Variants in DIAPH2 observed in about 807,000 individuals in gnomAD.
DIAPH2 encodes protein diaphanous homolog 2.
DIAPH2 carries 35 observed loss-of-function variants against 92.7 expected under a neutral mutation model. The observed-to-expected ratio is 0.38, with a 90% confidence interval of 0.29 to 0.50. The LOEUF (loss-of-function observed/expected upper bound fraction) is 0.50, where lower values mean the gene tolerates loss of function less well. Ranked by LOEUF, DIAPH2 falls within the 20% of genes least tolerant of loss-of-function variation. The probability of loss-of-function intolerance (pLI) is 0.94; values close to 1 mark genes in which losing one functional copy is unlikely to be tolerated. For missense variants in DIAPH2, 701 were observed against 819.5 expected (o/e 0.86, Z 1.77); for synonymous variants, 301 against 280.4 (o/e 1.07, Z -0.73).
At chrX:97,302,190 C>T (rs1408409805) in intron 23 of DIAPH2, among the ~76,000 whole-genome samples, 10 of 69,639 alleles carry the variant, frequency 1.4e-4, no homozygotes, top group African/African-American at 3.1e-4. Context: ...TCCAGCCTGA[C>T]GATAGAGCAA....
intron 19 of DIAPH2, among the ~76,000 whole-genome samples, chrX:97,077,345 G>A (rs1461044521): frequency 8.9e-6 from 1 of 112,131 alleles, no homozygotes; most frequent in Admixed American, 9.4e-5. Context: ...ACATCAATTT[G>A]CCATTCATTT....
chrX:97,161,392 T>C (rs1038272514), intron 22 of DIAPH2, among the ~76,000 whole-genome samples: 16 of 110,929 alleles, frequency 1.4e-4, no homozygotes, highest in African/African-American at 5.2e-4. Flanking sequence ...ACTTCAAAAG[T>C]TTTTTGTGGG....
chrX:97,186,076 A>T (rs1056027592), intron 22 of DIAPH2, among the ~76,000 whole-genome samples: 1 of 111,259 alleles, frequency 9.0e-6, no homozygotes, highest in Non-Finnish European at 1.9e-5. Flanking sequence ...TAAATGATTT[A>T]AAAAAAACTA....
chrX:96,872,745 C>T (rs1002265977), intron 4 of DIAPH2, among the ~76,000 whole-genome samples: 7 of 110,437 alleles, frequency 6.3e-5, no homozygotes, highest in Non-Finnish European at 1.1e-4. Context: ...CCACCTGCCT[C>T]GGCCTCCCAA....
chrX:97,115,791 G>A (rs766738013), intron 21 of DIAPH2, among the ~76,000 whole-genome samples: 46 of 111,381 alleles, frequency 4.1e-4, no homozygotes, highest in African/African-American at 1.5e-3. Context: ...GTTTTGATTG[G>A]ATCATTTAAT....
chrX:97,286,817 A>G (rs1468023774), intron 23 of DIAPH2, among the ~76,000 whole-genome samples: 1 of 110,771 alleles, frequency 9.0e-6, no homozygotes, highest in Non-Finnish European at 1.9e-5. Flanking sequence ...TGACCCAGAT[A>G]CCCCTCTTCT....
At chrX:96,936,022 T>C (rs1294493671) in intron 10 of DIAPH2, among the ~76,000 whole-genome samples, 3 of 111,761 alleles carry the variant, frequency 2.7e-5, no homozygotes, top group Non-Finnish European at 3.8e-5. Context: ...TGTTAGATGA[T>C]TTTGCATTCT....
intron 20 of DIAPH2, among the ~76,000 whole-genome samples, chrX:97,112,765 CTTTTTTTTTTTTTTTTT>C (rs60721723): frequency 1.3e-4 from 5 of 37,242 alleles, no homozygotes; most frequent in Non-Finnish European, 1.7e-4. Flanking sequence ...CCCTTTCTTT[CTTTTTTTTTTTTTTTTT>C]TTTTTTTTTT....
chrX:96,815,779 C>T (rs1342983395), intron 4 of DIAPH2, among the ~76,000 whole-genome samples: 3 of 111,533 alleles, frequency 2.7e-5, no homozygotes, highest in Non-Finnish European at 5.7e-5. Context: ...ATTCTCCTGC[C>T]TCAGCCTCCC....
intron 17 of DIAPH2, among the ~76,000 whole-genome samples, chrX:97,018,469 C>T (rs1245033360): frequency 8.9e-6 from 1 of 112,136 alleles, no homozygotes; most frequent in Non-Finnish European, 1.9e-5. Flanking sequence ...AGTAGACCAA[C>T]ATATACCACA....
intron 22 of DIAPH2, among the ~76,000 whole-genome samples, chrX:97,172,425 A>C (rs940513515): frequency 8.9e-6 from 1 of 111,813 alleles, no homozygotes; most frequent in Admixed American, 9.5e-5. Flanking sequence ...CAGAATTGAC[A>C]ATCAGGAGTA....
At chrX:97,145,296 G>GTAGTAGTAC (rs1171180254) in intron 22 of DIAPH2, among the ~76,000 whole-genome samples, 3 of 104,346 alleles carry the variant, frequency 2.9e-5, no homozygotes, top group Non-Finnish European at 5.8e-5. Context: ...AGTAGTAGTA[G>GTAGTAGTAC]TAGTAGTAGT....
At chrX:97,302,137 C>CGGGA (rs1278312746) in intron 23 of DIAPH2, among the ~76,000 whole-genome samples, 2 of 94,028 alleles carry the variant, frequency 2.1e-5, no homozygotes, top group Non-Finnish European at 4.0e-5. Flanking sequence ...CACTTGAACC[C>CGGGA]GGGAGGCAGA....
chrX:97,005,316 G>A (rs1381333054), intron 17 of DIAPH2, among the ~76,000 whole-genome samples: 3 of 105,820 alleles, frequency 2.8e-5, no homozygotes, highest in Non-Finnish European at 5.7e-5. Context: ...GAATTTGGAA[G>A]TATTCCCTCC....
chrX:97,289,674 T>G (rs919127228), intron 23 of DIAPH2, among the ~76,000 whole-genome samples: 1 of 111,443 alleles, frequency 9.0e-6, no homozygotes, highest in African/African-American at 3.3e-5. Context: ...CTGCAAACAC[T>G]GTGCTTAAGG....
chrX:97,408,544 T>A (rs2147756180), intron 25 of DIAPH2, among the ~76,000 whole-genome samples: 1 of 111,676 alleles, frequency 9.0e-6, no homozygotes, highest in South Asian at 3.7e-4. Flanking sequence ...AAGGTCTACC[T>A]GAATTTTAAT....
intron 19 of DIAPH2, 42 bp from the exon 20 acceptor site, chrX:97,099,652 A>G: frequency 1.1e-6 from 1 of 919,668 alleles, no homozygotes; most frequent in Non-Finnish European, 1.5e-6. Flanking sequence ...TAAAAATTCT[A>G]ATACTAAAAC....
chrX:97,044,176 A>G (rs181870031), intron 17 of DIAPH2, among the ~76,000 whole-genome samples: 37 of 112,120 alleles, frequency 3.3e-4, no homozygotes, highest in Non-Finnish European at 6.0e-4. Flanking sequence ...CTGTATAATA[A>G]GAAATTGTCA....
chrX:97,297,566 G>C (rs1441632327), intron 23 of DIAPH2, among the ~76,000 whole-genome samples: 1 of 104,401 alleles, frequency 9.6e-6, no homozygotes, highest in Non-Finnish European at 1.9e-5. Flanking sequence ...TTCCCCAAAC[G>C]CCTCTGCCAG....
Sources: gnomAD v4.1 joint callset for allele counts (sites outside exome capture counted in the v4.1 genomes callset) on GRCh38, gnomAD v4.1.1 for gene constraint, MANE v1.5 for transcripts, NCBI Gene and HGNC (gene_info 2026-07-23, HGNC 2026-07-21) for gene names.